The following INPP5D variants were observed in gnomAD, a reference collection of about 807,000 sequenced individuals.
INPP5D encodes the protein phosphatidylinositol 3,4,5-trisphosphate 5-phosphatase 1.
INPP5D carries 33 observed loss-of-function variants against 122.9 expected under a neutral mutation model. The ratio of observed to expected loss-of-function variants is 0.27; its 90% confidence interval spans 0.20 to 0.36. The LOEUF is 0.36. INPP5D is among the 10% of genes least tolerant of loss of function. The probability of loss-of-function intolerance (pLI) is 1.00; values close to 1 mark genes in which losing one functional copy is unlikely to be tolerated. For missense variants in INPP5D, 1,053 were observed against 1,412.7 expected, an observed-to-expected ratio of 0.75 and a Z score of 4.08; for synonymous variants, 584 against 576.2, an observed-to-expected ratio of 1.01 and a Z score of -0.19.
At chr2:233,198,072 G>A in intron 24 of INPP5D, 23 bp from the exon 25 acceptor site, 3 of 1,546,762 alleles carry the variant, frequency 1.9e-6, no homozygotes, top group Non-Finnish European at 2.6e-6. Flanking sequence ...CCCCTGAGAT[G>A]TGACTCCATG....
chr2:233,146,561 G>C, intron 8 of INPP5D, 123 bp downstream of exon 8: 3 of 677,118 alleles, frequency 4.4e-6, no homozygotes. Flanking sequence ...GAGCGCATTA[G>C]CCAAGAATGG....
In INPP5D at chr2:233,125,758, G is replaced by T. The variant is rs779197283; in HGVS notation, c.363G>T (p.Val121=). The T allele has an allele frequency of 3.1e-6, 5 of 1,613,128 alleles. No individual in the cohort carries two copies. Among genetic ancestry groups the T allele is most frequent in the Admixed American group, 1.7e-5 (1 of 59,854 alleles). Residue 121 remains valine, a synonymous_variant, in exon 4 of 27, where the codon GTG becomes GTT. Transcript: ENST00000445964. Reference sequence around the variant, plus strand: ...TGTTCTCTCCAGTAGAAAGTGTCGTGTCTCCACCCGAGCTGCCCCCAAGAA... The same window carrying T: ...TGTTCTCTCCAGTAGAAAGTGTCGTTTCTCCACCCGAGCTGCCCCCAAGAA... The part of the protein sequence containing the change: ...DPEEDTVESV[V]SPPELPPRNI...
chr2:233,105,336 G>C lies in INPP5D; in HGVS notation c.199-16771G>C, dbSNP rs570977109. 6.6e-6 allele frequency among the ~76,000 whole-genome samples: 1 copy of C among 152,130 alleles called. No homozygotes were observed. Among genetic ancestry groups the C allele is most frequent in the African/African-American group, 2.4e-5 (1 of 41,432 alleles). ...TTTGCCAGTGCCGCTCCCTTCGCCC[G>C]CCAGGGTGCTCCCTGTCTCTTTGCC... On this transcript the variant is annotated intron_variant, in intron 2 of 26. Coordinates refer to ENST00000445964, the MANE Select transcript of INPP5D (RefSeq NM_001017915.3). This position sits in a 1 kb window ranked among gnomAD's most constrained non-coding sequence, Gnocchi z 4.0.
At chr2:233,109,739 C>A (rs1692564510) in intron 2 of INPP5D, among the ~76,000 whole-genome samples, 1 of 149,446 alleles carries the variant, frequency 6.7e-6, no homozygotes. Flanking sequence ...CCACCACGCC[C>A]AGCTATTTTT....
intron 1 of INPP5D, among the ~76,000 whole-genome samples, 188 bp downstream of exon 1, chr2:233,060,800 T>A (rs111965164): frequency 2.8e-4 from 42 of 152,336 alleles, no homozygotes; most frequent in African/African-American, 1.0e-3. Flanking sequence ...TTTGCAGCCT[T>A]GGAGCTGTCA....
intron 17 of INPP5D, among the ~76,000 whole-genome samples, chr2:233,176,292 G>A (rs1694622481): frequency 6.9e-6 from 1 of 145,558 alleles, no homozygotes; most frequent in South Asian, 2.3e-4. Flanking sequence ...TGTGTGAACG[G>A]TCAATGGATG....
rs115296980 is a variant in INPP5D, at chr2:233,193,978, T to A, written c.2596+17T>A. On this transcript the variant is annotated intron_variant, in intron 23 of 26. Transcript: ENST00000445964. ...AGCTCTATGGTAAGCAGCAAGCCCC[T>A]CCCCAGCGCCCTCTTCAGCCCCCCA... 3,525 of 1,573,230 alleles carry A rather than the reference T, an allele frequency of 2.2e-3. 78 individuals carry two copies. The African/African-American group carries it at 0.041, about 18-fold the overall frequency.
rs1019052215 is a variant in INPP5D at position 233,177,578 on chromosome 2, T to C, written c.2071+232T>C. On this transcript the variant is annotated intron_variant, in intron 18 of 26. Coordinates refer to ENST00000445964, the MANE Select transcript of INPP5D (RefSeq NM_001017915.3). This position sits in a 1 kb window ranked among gnomAD's most constrained non-coding sequence, Gnocchi z 4.2. ...ACATTTGAATTATAGAGCACTTTTTTTCTTTTTCTTTTTGAGACGGAGTCT... is the reference window on the plus strand; with the variant it reads ...ACATTTGAATTATAGAGCACTTTTTCTCTTTTTCTTTTTGAGACGGAGTCT... Among the ~76,000 whole-genome samples, 9 of 152,202 alleles carry C rather than the reference T, an allele frequency of 5.9e-5. No individual in the cohort carries two copies. Among genetic ancestry groups the C allele is most frequent in the African/African-American group, 1.9e-4 (8 of 41,456 alleles).
chr2:233,126,051 G>A (rs1693148573), intron 4 of INPP5D, 132 bp downstream of exon 4: 2 of 892,004 alleles, frequency 2.2e-6, no homozygotes, highest in Non-Finnish European at 3.4e-6. Flanking sequence ...CTCCAGAGAA[G>A]AGTGCTTGTC....
intron 9 of INPP5D, among the ~76,000 whole-genome samples, chr2:233,154,103 G>T (rs1693988468): frequency 6.6e-6 from 1 of 152,190 alleles, no homozygotes; most frequent in Non-Finnish European, 1.5e-5. Flanking sequence ...GGAAGCTGGG[G>T]ACAGGAAACA....
intron 6 of INPP5D, among the ~76,000 whole-genome samples, chr2:233,143,483 C>A (rs1181561010): frequency 6.6e-6 from 1 of 152,152 alleles, no homozygotes; most frequent in African/African-American, 2.4e-5. Flanking sequence ...AGATAAATAA[C>A]CCTAAAACAA....
At chr2:233,097,370 A>T (rs929563509) in intron 2 of INPP5D, among the ~76,000 whole-genome samples, 1 of 152,148 alleles carries the variant, frequency 6.6e-6, no homozygotes, top group Non-Finnish European at 1.5e-5. Context: ...CTCTGAAAAA[A>T]TCCCAGTTAG....
At chr2:233,191,629 AAC>A (rs1363046717) in intron 22 of INPP5D, among the ~76,000 whole-genome samples, 1 of 152,164 alleles carries the variant, frequency 6.6e-6, no homozygotes, top group Non-Finnish European at 1.5e-5. Context: ...CAAGGGACCC[AAC>A]ACAAAGACCA....
In INPP5D at chr2:233,089,152, C is replaced by T. The variant is rs1003808301; in HGVS notation, c.198+9754C>T. 3.3e-5 allele frequency among the ~76,000 whole-genome samples: 5 copies of T among 152,102 alleles called. No homozygotes were observed. The South Asian group carries it at 1.0e-3, about 32-fold the overall frequency. On this transcript the variant is annotated intron_variant, in intron 2 of 26. Coordinates refer to ENST00000445964, the MANE Select transcript of INPP5D (RefSeq NM_001017915.3). ...CGAGGGTGGATGCCTGGGGTCCCAA[C>T]CAGGTGACAAGAGAGAGCCTTGAGG...
At chr2:233,065,833 G>T (rs1268726582) in intron 1 of INPP5D, among the ~76,000 whole-genome samples, 1 of 151,730 alleles carries the variant, frequency 6.6e-6, no homozygotes, top group African/African-American at 2.4e-5. Context: ...TTTTAGTAGC[G>T]ATGGGGTTTC....
rs1695013705 is a variant in INPP5D, at chr2:233,190,041, T to A, written c.2446+104T>A. ...CCTGGCACTTCCGGTCATAGGCTCCTGCCTCTCCTTTCCTCATCCCAGGGC... is the reference window on the plus strand; with the variant it reads ...CCTGGCACTTCCGGTCATAGGCTCCAGCCTCTCCTTTCCTCATCCCAGGGC... On this transcript the variant is annotated intron_variant, in intron 22 of 26. Transcript: ENST00000445964. 15 of 1,502,162 alleles carry A rather than the reference T, an allele frequency of 1.0e-5. No homozygotes were observed. The Admixed American group carries it at 1.9e-4, about 19-fold the overall frequency. The allele number at this position is 1,502,162 out of a possible 1,614,324, so 93.1% of individuals were successfully genotyped here.
intron 1 of INPP5D, among the ~76,000 whole-genome samples, chr2:233,065,951 T>A (rs558206898): frequency 2.1e-4 from 32 of 150,516 alleles, no homozygotes; most frequent in Non-Finnish European, 2.9e-4. Flanking sequence ...GGCCTTTTTT[T>A]AAAATTATTA....
chr2:233,083,308 G>T (rs1691738928), intron 2 of INPP5D, among the ~76,000 whole-genome samples: 1 of 152,158 alleles, frequency 6.6e-6, no homozygotes, highest in Admixed American at 6.5e-5. Flanking sequence ...GTAAATTTTG[G>T]AACTCCATCT....
In INPP5D at chr2:233,206,271, ATATATT is replaced by A. The variant is rs1251726361; in HGVS notation, c.3568-425_3568-420del. Among the ~76,000 whole-genome samples the A allele has an allele frequency of 2.0e-5, 3 of 151,750 alleles. No homozygotes were observed. Among genetic ancestry groups the A allele is most frequent in the Non-Finnish European group, 4.4e-5 (3 of 67,960 alleles). ...ATGTATTATCATCTATATAGAAATT[ATATATT>A]TATATTTATGTATTTACATTGATAT... On this transcript the variant is annotated intron_variant, in intron 26 of 26. Coordinates refer to ENST00000445964, the MANE Select transcript of INPP5D (RefSeq NM_001017915.3). This position sits in a 1 kb window ranked among gnomAD's most constrained non-coding sequence, Gnocchi z 4.0.
Sources: allele counts gnomAD v4.1 joint callset (sites outside exome capture counted in the v4.1 genomes callset), GRCh38; gene constraint gnomAD v4.1.1; non-coding constraint Gnocchi (gnomAD v3.1); transcripts MANE v1.5; gene names NCBI Gene and HGNC (gene_info 2026-07-23, HGNC 2026-07-21).